Variants in E2F8 observed in about 807,000 individuals in gnomAD.
The protein encoded by E2F8 is E2F transcription factor 8.
In E2F8, 35 loss-of-function variants were observed where a neutral mutation model predicts 80.8. The ratio of observed to expected loss-of-function variants is 0.43; its 90% CI spans 0.33 to 0.57. E2F8 has a LOEUF of 0.57. E2F8 is among the 20% of genes least tolerant of loss of function. The probability of loss-of-function intolerance (pLI) is 0.04; values close to 1 mark genes in which losing one functional copy is unlikely to be tolerated. For missense variants in E2F8, 975 were observed against 1,056.2 expected (o/e 0.92, Z 1.07); for synonymous variants, 386 against 395.0 (o/e 0.98, Z 0.27).
chr11:19,225,264 C>G lies in E2F8; in HGVS notation c.2378G>C (p.Ser793Thr). The G allele has an allele frequency of 6.2e-7, 1 of 1,614,020 alleles. No individual in the cohort carries two copies. The highest frequency in any genetic ancestry group is 8.5e-7 in the Non-Finnish European group (1 of 1,180,042). Reference protein sequence around the residue: ...TNYDSPVPGQSQPNGQSVAVT... With the variant: ...TNYDSPVPGQTQPNGQSVAVT... ...AGCAACTGATTGTCCATTTGGCTGG[C>G]TCTGGCCTGGGACTGGTGAGTCATA... Residue 793 changes from serine to threonine, a missense_variant, in exon 12 of 13, where the codon AGC (serine) becomes ACC (threonine). Physicochemically the swap from Ser to Thr is moderately conservative, Grantham distance 58. Transcript: ENST00000250024.
At position 19,230,340 on chromosome 11, in the gene E2F8, GA is replaced by G; in HGVS notation, c.1271-13del. 6.2e-7 allele frequency: 1 copy of G among 1,610,580 alleles called. No homozygotes were observed. The highest frequency in any genetic ancestry group is 1.1e-5 in the South Asian group (1 of 90,386). On this transcript the variant is annotated splice_polypyrimidine_tract_variant and intron_variant, in intron 8 of 12. Transcript: ENST00000250024. ...CTGAGAACTCTCAGCTGGTAAAATAGAAAGGAAGAGAGCACCGGTCAAAGCT... is the reference window on the plus strand; with the variant it reads ...CTGAGAACTCTCAGCTGGTAAAATAGAAGGAAGAGAGCACCGGTCAAAGCT...
rs1851459145 is a variant in E2F8 at position 19,234,351 on chromosome 11, GAC to G, written c.928+7_928+8del. ...AGGTTCAAAAATCCATGGCAGTCAT[GAC>G]ACTTACTTTTAAACTTGCTTTTATC... On this transcript the variant is annotated splice_region_variant and intron_variant, in intron 6 of 12. Coordinates refer to ENST00000250024, the MANE Select transcript of E2F8 (RefSeq NM_024680.4). 6.2e-7 allele frequency: 1 copy of G among 1,613,006 alleles called. No homozygotes were observed. The highest frequency in any genetic ancestry group is 8.5e-7 in the Non-Finnish European group (1 of 1,179,742).
rs147185996 is a variant in E2F8, at chr11:19,225,712, A to G, written c.2026+20T>C. The G allele has an allele frequency of 3.1e-4, 497 of 1,613,980 alleles. 1 individual carries two copies. The African/African-American group carries it at 6.0e-3, about 20-fold the overall frequency. On this transcript the variant is annotated intron_variant, in intron 11 of 12. Coordinates refer to ENST00000250024, the MANE Select transcript of E2F8 (RefSeq NM_024680.4). ...ACTTGAGACCGGCCCACATCTGGTTAGTGTTTTATGTGCACTCACCTGCAA... is the reference window on the plus strand; with the variant it reads ...ACTTGAGACCGGCCCACATCTGGTTGGTGTTTTATGTGCACTCACCTGCAA...
At chr11:19,241,174 C>T (rs554382622), upstream of E2F8, among the ~76,000 whole-genome samples, 80 of 152,330 alleles carry the variant, frequency 5.3e-4, no homozygotes, top group South Asian at 3.9e-3. The surrounding 1 kb of genome is among the most constrained non-coding windows in gnomAD (Gnocchi z 4.5). Context: ...GCCGGCGCCT[C>T]CCCTTAGCTG....
Position 19,230,325 on chromosome 11 carries a change from T to G in E2F8, c.1274A>C (p.Glu425Ala), listed in dbSNP as rs1368776969. Residue 425 changes from glutamate to alanine, a missense_variant, in exon 9 of 13, where the codon GAG becomes GCG. Coordinates refer to ENST00000250024, the MANE Select transcript of E2F8 (RefSeq NM_024680.4). ...GAAGGGTGCAGAATTCTGAGAACTC[T>G]CAGCTGGTAAAATAGAAAGGAAGAG... ...PSSPIKTNKA[E>A]SSQNSAPFPS... 1 of 1,613,204 alleles carries G rather than the reference T, an allele frequency of 6.2e-7. No homozygotes were observed. The highest frequency in any genetic ancestry group is 1.7e-5 in the Admixed American group (1 of 59,818).
chr11:19,234,949 G>A lies in E2F8; in HGVS notation c.561C>T (p.Asn187=), dbSNP rs756095486. The part of the protein sequence containing the change: ...RYTWHGRHNL[N]KTLGTLKSIG... The stretch of plus-strand genomic sequence containing the variant: ...TGCTCTTCAAGGTGCCAAGGGTTTT[G>A]TTGAGATTGTGTCGCCCGTGCCAAG... Residue 187 remains asparagine (N), a synonymous_variant, in exon 5 of 13, where the codon AAC becomes AAT. Transcript: ENST00000250024. 8.7e-6 allele frequency: 14 copies of A among 1,614,128 alleles called. No homozygotes were observed. The highest frequency in any genetic ancestry group is 1.2e-5 in the Non-Finnish European group (14 of 1,180,052).
At chr11:19,238,179 T>C in intron 2 of E2F8, 47 bp from the exon 3 acceptor site, 1 of 1,545,174 alleles carries the variant, frequency 6.5e-7, no homozygotes, top group East Asian at 2.3e-5. Context: ...AAACAGGATT[T>C]ATCAGACAGC....
chr11:19,238,162 C>A, intron 2 of E2F8, 30 bp from the exon 3 acceptor site: 1 of 1,575,850 alleles, frequency 6.3e-7, no homozygotes, highest in South Asian at 1.2e-5. Context: ...TAATTAAATC[C>A]ATGGTAAAAC....
At chr11:19,241,215 C>T (rs1851656578), upstream of E2F8, among the ~76,000 whole-genome samples, 1 of 152,192 alleles carries the variant, frequency 6.6e-6, no homozygotes, top group Non-Finnish European at 1.5e-5. This position sits in a 1 kb window ranked among gnomAD's most constrained non-coding sequence, Gnocchi z 4.5. Flanking sequence ...AAACCCGCGC[C>T]CGGAACCACG....
intron 10 of E2F8, 190 bp from the exon 11 acceptor site, chr11:19,226,054 C>A (rs1206580070): frequency 6.5e-6 from 4 of 616,714 alleles, no homozygotes; most frequent in Non-Finnish European, 1.1e-5. Context: ...CCAATGCTTG[C>A]CCCGAATAAT....
intron 10 of E2F8, chr11:19,226,143 G>C (rs1851231287): frequency 2.5e-6 from 1 of 395,862 alleles, no homozygotes; most frequent in Non-Finnish European, 4.6e-6. Context: ...TAGGGGTAAG[G>C]ATTCATCCAG....
chr11:19,226,849 TA>T (rs926469251), intron 10 of E2F8, among the ~76,000 whole-genome samples: 11 of 152,144 alleles, frequency 7.2e-5, no homozygotes, highest in African/African-American at 2.7e-4. Context: ...ACACCAGAGT[TA>T]AAAAAATTAC....
chr11:19,239,993 C>T, intron 2 of E2F8, 114 bp downstream of exon 2: 1 of 739,366 alleles, frequency 1.4e-6, no homozygotes. Flanking sequence ...TTTACAGAGG[C>T]TAACCAAGGT....
rs1851467547 is a variant in E2F8, at chr11:19,234,748, C to G, written c.762G>C (p.Arg254=). ...GTTTTCACTACCATCTCTCACCTGCCCGAAATTCCACTCCAGGGAGTTCCA... is the reference window on the plus strand; with the variant it reads ...GTTTTCACTACCATCTCTCACCTGCGCGAAATTCCACTCCAGGGAGTTCCA... ...CFVELPGVEF[R]AASVNSRKDK... The change falls in exon 5 of 13, where the codon CGG becomes CGC. Residue 254 remains arginine, a synonymous_variant. Coordinates refer to ENST00000250024, the MANE Select transcript of E2F8 (RefSeq NM_024680.4). 1.2e-6 allele frequency: 2 copies of G among 1,608,594 alleles called. No homozygotes were observed. The highest frequency in any genetic ancestry group is 1.7e-6 in the Non-Finnish European group (2 of 1,176,668).
At chr11:19,232,951 T>C (rs1851419181) in intron 6 of E2F8, among the ~76,000 whole-genome samples, 1 of 152,196 alleles carries the variant, frequency 6.6e-6, no homozygotes, top group Non-Finnish European at 1.5e-5. Context: ...TTTACTGCCA[T>C]CTTGATAGTA....
chr11:19,233,145 G>T, intron 6 of E2F8, among the ~76,000 whole-genome samples: 1 of 152,148 alleles, frequency 6.6e-6, no homozygotes, highest in Non-Finnish European at 1.5e-5. Context: ...GTATCAGGAC[G>T]TGTTTTCTGA....
At position 19,227,889 on chromosome 11, in the gene E2F8, A is replaced by G. The variant is rs143422431; in HGVS notation, c.1893+1565T>C. On this transcript the variant is annotated intron_variant, in intron 10 of 12. Transcript: ENST00000250024. Reference sequence around the variant, plus strand: ...GACTGCTTGAGCTCAGGAGTTCGAGACCAGGCTGAGCAACATGGTGAAACC... The same window carrying G: ...GACTGCTTGAGCTCAGGAGTTCGAGGCCAGGCTGAGCAACATGGTGAAACC... Among the ~76,000 whole-genome samples the G allele has an allele frequency of 9.8e-3, 1,490 of 152,306 alleles. 23 individuals are homozygous for G. Among genetic ancestry groups the G allele is most frequent in the African/African-American group, 0.034 (1,409 of 41,546 alleles).
At chr11:19,235,299 T>C (rs908428324) in intron 4 of E2F8, among the ~76,000 whole-genome samples, 32 of 152,226 alleles carry the variant, frequency 2.1e-4, no homozygotes, top group Non-Finnish European at 3.8e-4. Context: ...GCTACACAGC[T>C]TTAGGAAGTT....
chr11:19,225,771 G>C lies in E2F8; in HGVS notation c.1987C>G (p.Leu663Val). 1 of 1,614,222 alleles carries C rather than the reference G, an allele frequency of 6.2e-7. No individual in the cohort carries two copies. The highest frequency in any genetic ancestry group is 8.5e-7 in the Non-Finnish European group (1 of 1,180,040). ...CTGTAAATCCTGTGGTTTGGGGAAA[G>C]AGCACTTGAGTTTTCTTTACCAGAC... is the stretch of plus-strand genomic sequence containing the variant. ...ILSGKENSSA[L>V]SPNHRIYSSP... Residue 663 changes from leucine to valine, a missense_variant, in exon 11 of 13, where the codon CTT becomes GTT. By Grantham distance (32) the Leu-to-Val change is conservative (BLOSUM62 1). Transcript: ENST00000250024.
Sources: gnomAD v4.1 joint callset for allele counts (sites outside exome capture counted in the v4.1 genomes callset) on GRCh38, gnomAD v4.1.1 for gene constraint, Gnocchi (gnomAD v3.1) non-coding constraint, MANE v1.5 for transcripts, NCBI Gene and HGNC (gene_info 2026-07-23, HGNC 2026-07-21) for gene names.